Variants in KCNK9 observed in about 807,000 individuals in gnomAD.
The protein encoded by KCNK9 is potassium two pore domain channel subfamily K member 9, also known as potassium channel subfamily K member 9.
Under a neutral mutation model 10.8 loss-of-function variants are expected in KCNK9, and 1 was observed. The ratio of observed to expected loss-of-function variants is 0.09; its 90% CI spans 0.03 to 0.44. KCNK9 has a LOEUF of 0.44. Among genes scored for constraint, KCNK9 ranks in the 20% least tolerant of loss-of-function variants. The pLI is 0.97. For synonymous variants in KCNK9, 231 were observed against 222.7 expected (o/e 1.04, Z -0.33); for missense variants, 303 against 515.0 (o/e 0.59, Z 3.98).
At chr8:139,657,637 G>A (rs1816053741) in intron 1 of KCNK9, among the ~76,000 whole-genome samples, 1 of 152,160 alleles carries the variant, frequency 6.6e-6, no homozygotes, top group Non-Finnish European at 1.5e-5. Context: ...GCAGAAGTGG[G>A]GGATGGATGG....
In KCNK9 at chr8:139,617,915, G is replaced by A. The variant is rs1318649997; in HGVS notation, c.*343C>T. ...GGTATCCTCTCAGCTCTGTCTCCGTGGTCTTGGTCTCACATCTGTCCCGGG... is the reference window on the plus strand; with the variant it reads ...GGTATCCTCTCAGCTCTGTCTCCGTAGTCTTGGTCTCACATCTGTCCCGGG... On this transcript the variant is annotated 3_prime_UTR_variant, in exon 2 of 2. Coordinates refer to ENST00000520439, the MANE Select transcript of KCNK9 (RefSeq NM_001282534.2). 8.6e-6 allele frequency: 3 copies of A among 346,880 alleles called. No individual in the cohort carries two copies. Among genetic ancestry groups the A allele is most frequent in the African/African-American group, 6.4e-5 (3 of 47,088 alleles). 21.5% of individuals were successfully genotyped at this position (346,880 alleles called of 1,614,324 possible).
chr8:139,677,378 G>A (rs1340113899), intron 1 of KCNK9, among the ~76,000 whole-genome samples: 3 of 152,070 alleles, frequency 2.0e-5, no homozygotes, highest in Non-Finnish European at 2.9e-5. Context: ...AGGGCCTGGG[G>A]CTCTTTCCAA....
intron 1 of KCNK9, among the ~76,000 whole-genome samples, chr8:139,644,617 G>A (rs56748484): frequency 0.056 from 8,447 of 152,118 alleles, 755 homozygotes; most frequent in African/African-American, 0.19. Context: ...AGGAGCCCAC[G>A]CGGTGGACCT....
At chr8:139,603,885 C>T (rs1323851750) in intron 2 of KCNK9, among the ~76,000 whole-genome samples, 1 of 152,190 alleles carries the variant, frequency 6.6e-6, no homozygotes, top group East Asian at 1.9e-4. Context: ...GGTCATAAAC[C>T]AAGAGCCAGC....
chr8:139,607,482 C>T (rs1814259241), intron 2 of KCNK9, among the ~76,000 whole-genome samples: 1 of 152,192 alleles, frequency 6.6e-6, no homozygotes, highest in African/African-American at 2.4e-5. Flanking sequence ...CCCCTCATGC[C>T]TCATAGCTGT....
Position 139,702,686 on chromosome 8 carries a change from C to A in KCNK9, c.283+24G>T. 3.1e-6 allele frequency: 5 copies of A among 1,592,052 alleles called. No individual in the cohort carries two copies. The South Asian group carries it at 5.6e-5, about 18-fold the overall frequency. ...CCGGACTCCTCCCGGGGCGCGGGAG[C>A]CCAGCGGCGCGCCCAGCCCTTACCT... On this transcript the variant is annotated intron_variant, in intron 1 of 1. Coordinates refer to ENST00000520439, the MANE Select transcript of KCNK9 (RefSeq NM_001282534.2). This position sits in a 1 kb window ranked among gnomAD's most constrained non-coding sequence, Gnocchi z 7.5.
chr8:139,618,509 C>G lies in KCNK9; in HGVS notation c.874G>C (p.Asp292His). 2 of 1,613,670 alleles carry G rather than the reference C, an allele frequency of 1.2e-6. No homozygotes were observed. The highest frequency in any genetic ancestry group is 1.7e-6 in the Non-Finnish European group (2 of 1,180,004). ...GTGCAGGAGCACACAGACTGCAGGT[C>G]CGGGACGTCCGCCTTGTACCTGGGC... ...SRPRYKADVP[D>H]LQSVCSCTCY... The change falls in exon 2 of 2, where the codon GAC (aspartate) becomes CAC (histidine). Residue 292 changes from aspartate to histidine, a missense_variant. Asp to His is a moderately conservative substitution (Grantham distance 81). This residue lies in a region of KCNK9 where 138 missense variants were observed against 161.1 expected (regional missense o/e 0.86). Coordinates refer to ENST00000520439, the MANE Select transcript of KCNK9 (RefSeq NM_001282534.2). This position sits in a 1 kb window ranked among gnomAD's most constrained non-coding sequence, Gnocchi z 7.9.
chr8:139,699,995 A>G (rs1478382116), intron 1 of KCNK9, among the ~76,000 whole-genome samples: 2 of 152,198 alleles, frequency 1.3e-5, no homozygotes, highest in South Asian at 2.1e-4. Context: ...TCACTGCCCA[A>G]TAGGAGACAA....
At chr8:139,674,207 G>A (rs901545959) in intron 1 of KCNK9, among the ~76,000 whole-genome samples, 1 of 152,330 alleles carries the variant, frequency 6.6e-6, no homozygotes, top group East Asian at 1.9e-4. Context: ...CATGAAGGTG[G>A]GGCCCTGTGA....
At chr8:139,629,232 A>G (rs1190609352) in intron 1 of KCNK9, among the ~76,000 whole-genome samples, 1 of 152,156 alleles carries the variant, frequency 6.6e-6, no homozygotes, top group Non-Finnish European at 1.5e-5. Flanking sequence ...ATCAGGAAAC[A>G]CCCTCTGCTG....
rs1343030558 is a variant in KCNK9 at position 139,699,436 on chromosome 8, ACT to A, written c.283+3272_283+3273del. Among the ~76,000 whole-genome samples, 8 of 152,274 alleles carry A rather than the reference ACT, an allele frequency of 5.3e-5. No individual in the cohort carries two copies. The East Asian group carries it at 1.5e-3, about 29-fold the overall frequency. ...GTGGTGGGGCGGGGGTTGGGGGGAA[ACT>A]CAGACTGAACCCCTAATCAAAAGGA... is the stretch of plus-strand genomic sequence containing the variant. On this transcript the variant is annotated intron_variant, in intron 1 of 1. Transcript: ENST00000520439.
intron 1 of KCNK9, among the ~76,000 whole-genome samples, chr8:139,699,689 C>T (rs1817152789): frequency 6.6e-6 from 1 of 152,200 alleles, no homozygotes; most frequent in Non-Finnish European, 1.5e-5. Flanking sequence ...TCACTGTGCC[C>T]CGGGATCCCC....
intron 1 of KCNK9, among the ~76,000 whole-genome samples, chr8:139,655,564 G>A (rs114543476): frequency 0.012 from 1,762 of 152,286 alleles, 26 homozygotes; most frequent in African/African-American, 0.04. Flanking sequence ...GAAGCTGAGC[G>A]ATACCCAGCT....
At chr8:139,658,446 C>G (rs920629411) in intron 1 of KCNK9, among the ~76,000 whole-genome samples, 1 of 152,212 alleles carries the variant, frequency 6.6e-6, no homozygotes, top group Non-Finnish European at 1.5e-5. Context: ...AAACCAGATG[C>G]GGGCCTCAGG....
At chr8:139,670,704 G>A (rs551852105) in intron 1 of KCNK9, among the ~76,000 whole-genome samples, 22 of 152,314 alleles carry the variant, frequency 1.4e-4, no homozygotes, top group African/African-American at 5.1e-4. Flanking sequence ...GAGTCTCAGA[G>A]CCATTGATTT....
chr8:139,699,948 T>C (rs1388790191), intron 1 of KCNK9, among the ~76,000 whole-genome samples: 1 of 152,092 alleles, frequency 6.6e-6, no homozygotes, highest in East Asian at 1.9e-4. Context: ...AGATTAAAAA[T>C]CAAAACGCCA....
In KCNK9 at chr8:139,702,677, G is replaced by GC; in HGVS notation, c.283+32dup. 2.5e-6 allele frequency: 4 copies of GC among 1,582,272 alleles called. No individual in the cohort carries two copies. Among genetic ancestry groups the GC allele is most frequent in the Non-Finnish European group, 2.6e-6 (3 of 1,169,074 alleles). ...GCCGCCTCCCCGGACTCCTCCCGGG[G>GC]CGCGGGAGCCCAGCGGCGCGCCCAG... On this transcript the variant is annotated intron_variant, in intron 1 of 1. Transcript: ENST00000520439. This position sits in a 1 kb window ranked among gnomAD's most constrained non-coding sequence, Gnocchi z 7.5.
rs971118401 is a variant in KCNK9, at chr8:139,656,368, G to A, written c.284-37269C>T. Among the ~76,000 whole-genome samples the A allele has an allele frequency of 3.3e-5, 5 of 152,272 alleles. No homozygotes were observed. The East Asian group carries it at 5.8e-4, about 18-fold the overall frequency. ...CATGCACCTGAGGTCCTGTGCTCTC[G>A]GACGCCCCTGCTGTCCAGATGCAGC... On this transcript the variant is annotated intron_variant, in intron 1 of 1. Coordinates refer to ENST00000520439, the MANE Select transcript of KCNK9 (RefSeq NM_001282534.2).
chr8:139,646,388 C>G (rs780065669), intron 1 of KCNK9, among the ~76,000 whole-genome samples: 1 of 152,244 alleles, frequency 6.6e-6, no homozygotes, highest in Non-Finnish European at 1.5e-5. Flanking sequence ...GGGCAGATGA[C>G]AGTCAGCTCC....
Sources: allele counts gnomAD v4.1 joint callset (sites outside exome capture counted in the v4.1 genomes callset), GRCh38; gene constraint gnomAD v4.1.1; regional missense constraint gnomAD v4.1.1; non-coding constraint Gnocchi (gnomAD v3.1); transcripts MANE v1.5; gene names NCBI Gene and HGNC (gene_info 2026-07-23, HGNC 2026-07-21).